Variants in CACNA1E observed in about 807,000 individuals in gnomAD.
CACNA1E encodes voltage-dependent R-type calcium channel subunit alpha-1E.
A neutral mutation model predicts 259.2 loss-of-function variants in CACNA1E; 40 were observed. That is an observed-to-expected ratio of 0.15 (90% CI 0.12 to 0.20). CACNA1E has a LOEUF of 0.20. Ranked by LOEUF, CACNA1E falls within the 10% of genes least tolerant of loss-of-function variation. The pLI is 1.00. For missense variants in CACNA1E, 1,874 were observed against 3,040.1 expected (o/e 0.62, Z 9.02); for synonymous variants, 1,104 against 1,138.5 (o/e 0.97, Z 0.61).
Position 181,755,392 on chromosome 1 carries a change from G to T in CACNA1E, c.3984G>T (p.Glu1328Asp), listed in dbSNP as rs779159820. 39 of 1,613,296 alleles carry T rather than the reference G, an allele frequency of 2.4e-5. No individual in the cohort carries two copies. The highest frequency in any genetic ancestry group is 3.1e-5 in the Non-Finnish European group (36 of 1,179,504). ...ACAGTTCCAAGGACACAGAGAAGGA[G>T]TGCATGTAAGTGCCACCAGCGCATT... ...CTDSSKDTEK[E>D]CIGNYVDHEK... is the part of the protein sequence containing the mutation. Residue 1328 changes from glutamate (E) to aspartate (D), a missense_variant, in exon 28 of 48, where the codon GAG becomes GAT. Around this residue, in one of 14 missense-constraint regions of CACNA1E, gnomAD observed 188 missense variants for 540.6 expected, o/e 0.35. Transcript: ENST00000367573.
At chr1:181,781,707 A>G (rs1442352171) in intron 39 of CACNA1E, among the ~76,000 whole-genome samples, 184 bp downstream of exon 39, 1 of 152,156 alleles carries the variant, frequency 6.6e-6, no homozygotes, top group African/African-American at 2.4e-5. Context: ...GAGACAATAC[A>G]AGGAATGGTT....
chr1:181,464,778 T>A (rs1662051598), intron 2 of CACNA1E, among the ~76,000 whole-genome samples: 1 of 152,148 alleles, frequency 6.6e-6, no homozygotes, highest in Non-Finnish European at 1.5e-5. Flanking sequence ...TCAGTGGGTG[T>A]CCTAGACTGA....
At chr1:181,363,501 G>C (rs1350582886) in intron 1 of CACNA1E, among the ~76,000 whole-genome samples, 2 of 152,180 alleles carry the variant, frequency 1.3e-5, no homozygotes, top group Non-Finnish European at 2.9e-5. Context: ...CGAGGAGACA[G>C]AGGTAAGGGA....
chr1:181,636,069 A>G (rs1032303033), intron 6 of CACNA1E, among the ~76,000 whole-genome samples: 22 of 152,250 alleles, frequency 1.4e-4, no homozygotes, highest in Admixed American at 1.3e-3. Flanking sequence ...TATAAATAAT[A>G]ATGACCTATT....
At position 181,758,970 on chromosome 1, in the gene CACNA1E, A is replaced by G. The variant is rs1048568892; in HGVS notation, c.4605+102A>G. On this transcript the variant is annotated intron_variant, in intron 32 of 47. Coordinates refer to ENST00000367573, the MANE Select transcript of CACNA1E (RefSeq NM_001205293.3). This position sits in a 1 kb window ranked among gnomAD's most constrained non-coding sequence, Gnocchi z 4.2. ...GGTGGTTACTGCTATTCCAGAAATCACCCACCTAGATGTGGGCTCGTTTTG... is the reference window on the plus strand; with the variant it reads ...GGTGGTTACTGCTATTCCAGAAATCGCCCACCTAGATGTGGGCTCGTTTTG... 4.3e-6 allele frequency: 3 copies of G among 694,588 alleles called. No individual in the cohort carries two copies. The highest frequency in any genetic ancestry group is 7.7e-6 in the Non-Finnish European group (3 of 390,372). 43.0% of individuals were successfully genotyped at this position (694,588 alleles called of 1,614,324 possible).
chr1:181,437,243 C>T (rs569098293), intron 2 of CACNA1E, among the ~76,000 whole-genome samples: 1 of 152,206 alleles, frequency 6.6e-6, no homozygotes, highest in African/African-American at 2.4e-5. Context: ...TTTATATTCT[C>T]TTTTAAAATT....
intron 25 of CACNA1E, among the ~76,000 whole-genome samples, chr1:181,740,639 C>G (rs1414684990): frequency 1.3e-5 from 2 of 152,122 alleles, no homozygotes; most frequent in Non-Finnish European, 2.9e-5. Context: ...GCTTCCTCAG[C>G]CATGAGAGAC....
intron 1 of CACNA1E, among the ~76,000 whole-genome samples, chr1:181,488,445 T>C (rs1025552463): frequency 6.6e-6 from 1 of 152,360 alleles, no homozygotes; most frequent in Admixed American, 6.5e-5. Flanking sequence ...CAGCTGGTAC[T>C]GGAGCTGTAG....
intron 3 of CACNA1E, among the ~76,000 whole-genome samples, chr1:181,520,776 C>G (rs1479214839): frequency 6.6e-6 from 1 of 152,126 alleles, no homozygotes; most frequent in East Asian, 1.9e-4. Flanking sequence ...AAAGTTGAAA[C>G]AAAGGCCTTT....
chr1:181,377,665 G>A (rs61524891), intron 1 of CACNA1E, among the ~76,000 whole-genome samples: 3,337 of 152,256 alleles, frequency 0.022, 129 homozygotes, highest in African/African-American at 0.074. Flanking sequence ...CTTAAATAAT[G>A]TTTACTGTGT....
At chr1:181,584,350 A>C (rs1026722394) in intron 6 of CACNA1E, among the ~76,000 whole-genome samples, 3 of 152,204 alleles carry the variant, frequency 2.0e-5, no homozygotes, top group African/African-American at 4.8e-5. Flanking sequence ...TGCTTTCCGC[A>C]TCTGTTGTGA....
chr1:181,785,818 C>A lies in CACNA1E; in HGVS notation c.5785C>A (p.Leu1929Met). ...PYLQQDPVSG[L>M]SGRSGYPSMS... Reference sequence around the variant, plus strand: ...CCTCCAGCAGGACCCCGTTTCAGGCCTGTGAGTAGCACCAAAACATCCCTG... The same window carrying A: ...CCTCCAGCAGGACCCCGTTTCAGGCATGTGAGTAGCACCAAAACATCCCTG... The change falls in exon 43 of 48, where the codon CTG (leucine) becomes ATG (methionine). Residue 1929 changes from leucine to methionine, a missense_variant and splice_region_variant. Leu to Met is a conservative substitution (Grantham distance 15). Around this residue, in one of 14 missense-constraint regions of CACNA1E, gnomAD observed 542 missense variants for 587.2 expected, o/e 0.92. Coordinates refer to ENST00000367573, the MANE Select transcript of CACNA1E (RefSeq NM_001205293.3). 1 of 1,592,924 alleles carries A rather than the reference C, an allele frequency of 6.3e-7. No homozygotes were observed. The highest frequency in any genetic ancestry group is 8.6e-7 in the Non-Finnish European group (1 of 1,167,302).
chr1:181,576,851 C>A (rs1197780221), intron 3 of CACNA1E, among the ~76,000 whole-genome samples: 1 of 152,138 alleles, frequency 6.6e-6, no homozygotes, highest in East Asian at 1.9e-4. Flanking sequence ...ATATTAAATA[C>A]CATGTCATTT....
chr1:181,715,029 T>A (rs967066625), intron 8 of CACNA1E, among the ~76,000 whole-genome samples: 3 of 152,156 alleles, frequency 2.0e-5, no homozygotes, highest in Non-Finnish European at 4.4e-5. Flanking sequence ...GAAATGGAAA[T>A]TTTTCATTCC....
At chr1:181,528,573 C>A (rs1558091058) in intron 3 of CACNA1E, among the ~76,000 whole-genome samples, 1 of 152,156 alleles carries the variant, frequency 6.6e-6, no homozygotes. Flanking sequence ...CTCTTAGAGA[C>A]TTGTTGAATG....
intron 36 of CACNA1E, among the ~76,000 whole-genome samples, 188 bp from the exon 37 acceptor site, chr1:181,771,878 G>A (rs1196780506): frequency 3.3e-5 from 5 of 152,156 alleles, no homozygotes; most frequent in Non-Finnish European, 7.3e-5. Context: ...TGGGGTAGCA[G>A]AACCCAAAAC....
chr1:181,494,047 G>A (rs921020458), intron 1 of CACNA1E, among the ~76,000 whole-genome samples: 2 of 152,206 alleles, frequency 1.3e-5, no homozygotes, highest in African/African-American at 4.8e-5. Flanking sequence ...CCTAGAATGA[G>A]TCTGGCTTTA....
chr1:181,783,632 A>ATT, intron 39 of CACNA1E, 47 bp from the exon 40 acceptor site: 4 of 1,009,526 alleles, frequency 4.0e-6, no homozygotes, highest in Non-Finnish European at 4.5e-6. Context: ...GATGTCTTTC[A>ATT]ATTTTTTTTT....
At chr1:181,767,589 A>C (rs928669405) in intron 35 of CACNA1E, among the ~76,000 whole-genome samples, 2 of 152,176 alleles carry the variant, frequency 1.3e-5, no homozygotes, top group Non-Finnish European at 2.9e-5. Flanking sequence ...AGCCTTTTCC[A>C]GACCCTTTCT....
Sources: allele counts gnomAD v4.1 joint callset (sites outside exome capture counted in the v4.1 genomes callset), GRCh38; gene constraint gnomAD v4.1.1; regional missense constraint gnomAD v4.1.1; non-coding constraint Gnocchi (gnomAD v3.1); transcripts MANE v1.5; gene names NCBI Gene and HGNC (gene_info 2026-07-23, HGNC 2026-07-21).